The following PRRG1 variants were observed in gnomAD, a reference collection of about 807,000 sequenced individuals.
PRRG1 encodes proline rich and Gla domain 1.
In PRRG1, 5 loss-of-function variants were observed where a neutral mutation model predicts 11.8. That is an observed-to-expected ratio of 0.42 (90% CI 0.22 to 0.89). The LOEUF (loss-of-function observed/expected upper bound fraction) is 0.89. Ranked by LOEUF, PRRG1 falls within the 40% of genes least tolerant of loss-of-function variation. The probability of loss-of-function intolerance (pLI) is 0.28; values close to 1 mark genes in which losing one functional copy is unlikely to be tolerated. For synonymous variants in PRRG1, 66 were observed against 60.4 expected, an observed-to-expected ratio of 1.09 and a Z score of -0.43; for missense variants, 155 against 166.1, an observed-to-expected ratio of 0.93 and a Z score of 0.37.
rs376375189 is a variant in PRRG1, at chrX:37,363,814, C to T, written c.-42+14419C>T. 6.3e-5 allele frequency among the ~76,000 whole-genome samples: 7 copies of T among 111,645 alleles called. No individual in the cohort carries two copies. In the East Asian group the frequency reaches 1.7e-3, roughly 27 times the overall value. On this transcript the variant is annotated intron_variant, in intron 1 of 3. Transcript: ENST00000378628. Reference sequence around the variant, plus strand: ...AAAACTTCTTCCTTGACTTTTGCCTCTTCCCTGGATAATGCCATTAATTCC... The same window carrying T: ...AAAACTTCTTCCTTGACTTTTGCCTTTTCCCTGGATAATGCCATTAATTCC...
intron 1 of PRRG1, among the ~76,000 whole-genome samples, chrX:37,374,402 CT>C (rs1351045389): frequency 9.0e-6 from 1 of 111,656 alleles, no homozygotes; most frequent in Non-Finnish European, 1.9e-5. Context: ...ATTTATTCTG[CT>C]TTGAAATCAT....
chrX:37,367,100 G>A (rs1185020045), intron 1 of PRRG1, among the ~76,000 whole-genome samples: 2 of 111,600 alleles, frequency 1.8e-5, no homozygotes, highest in Non-Finnish European at 3.8e-5. Context: ...CCAAATGTTT[G>A]ACCATATAAG....
rs147705213 is a variant in PRRG1 at position 37,386,008 on chromosome X, G to A, written c.-41-20201G>A. Among the ~76,000 whole-genome samples the A allele has an allele frequency of 2.7e-3, 305 of 111,401 alleles. 3 individuals carry two copies. Among genetic ancestry groups the A allele is most frequent in the Non-Finnish European group, 7.3e-4 (39 of 53,069 alleles). ...ACTCCTGACCTCAGGTGATCCACCG[G>A]CCTTGGCCTCCCCAAAGTGCTGGGA... On this transcript the variant is annotated intron_variant, in intron 1 of 3. Transcript: ENST00000378628.
At chrX:37,423,956 A>G (rs1556387731) in intron 2 of PRRG1, among the ~76,000 whole-genome samples, 1 of 111,535 alleles carries the variant, frequency 9.0e-6, no homozygotes, top group East Asian at 2.8e-4. Context: ...ATAATTGCCT[A>G]TAGTATTCAG....
At chrX:37,444,232 C>T (rs1264736081) in intron 3 of PRRG1, among the ~76,000 whole-genome samples, 2 of 111,627 alleles carry the variant, frequency 1.8e-5, no homozygotes, top group African/African-American at 6.5e-5. Context: ...CTGACTTTGT[C>T]TCAGATCATA....
At chrX:37,403,613 A>C (rs1556381137) in intron 1 of PRRG1, 1 of 346,650 alleles carries the variant, frequency 2.9e-6, no homozygotes, top group Admixed American at 9.8e-5. Context: ...CATGTACCCT[A>C]AAACTTAAAG....
chrX:37,451,521 C>T (rs902073181), intron 3 of PRRG1, among the ~76,000 whole-genome samples: 3 of 112,200 alleles, frequency 2.7e-5, no homozygotes, highest in Non-Finnish European at 5.6e-5. Context: ...TTGACAATTT[C>T]AGCTTTTCGA....
chrX:37,393,058 GGAT>G (rs1646125963), intron 1 of PRRG1, among the ~76,000 whole-genome samples: 1 of 111,065 alleles, frequency 9.0e-6, no homozygotes, highest in Non-Finnish European at 1.9e-5. Flanking sequence ...CCAACTCTGA[GGAT>G]GATTGGACAA....
intron 2 of PRRG1, among the ~76,000 whole-genome samples, chrX:37,409,396 G>T (rs1377338758): frequency 1.8e-5 from 2 of 111,854 alleles, no homozygotes; most frequent in Non-Finnish European, 3.8e-5. Flanking sequence ...GTTCAAATAT[G>T]TGTTGTTCAA....
chrX:37,418,496 A>T (rs1435766505), intron 2 of PRRG1, among the ~76,000 whole-genome samples: 4 of 112,035 alleles, frequency 3.6e-5, no homozygotes, highest in African/African-American at 1.3e-4. Context: ...CTGGGAAAAA[A>T]TTTTCAATTT....
At chrX:37,353,977 C>T (rs185639955) in intron 1 of PRRG1, among the ~76,000 whole-genome samples, 4 of 112,471 alleles carry the variant, frequency 3.6e-5, no homozygotes, top group Admixed American at 9.4e-5. Context: ...TGTGAGCTCC[C>T]ATTATTTCAA....
At chrX:37,431,766 G>T (rs904909447) in intron 3 of PRRG1, among the ~76,000 whole-genome samples, 2 of 110,619 alleles carry the variant, frequency 1.8e-5, no homozygotes, top group Non-Finnish European at 3.8e-5. Context: ...ATGTTTTTTT[G>T]TTGTTGTTGT....
intron 1 of PRRG1, among the ~76,000 whole-genome samples, chrX:37,375,181 A>G (rs1415394906): frequency 3.6e-5 from 4 of 111,488 alleles, no homozygotes; most frequent in East Asian, 2.8e-4. Context: ...GAAGTGTTCT[A>G]TGGTCCTATG....
In PRRG1 at chrX:37,451,487, A is replaced by G. The variant is rs368074685; in HGVS notation, c.172-1649A>G. 3.6e-5 allele frequency among the ~76,000 whole-genome samples: 4 copies of G among 112,588 alleles called. No homozygotes were observed. The East Asian group carries it at 8.4e-4, about 24-fold the overall frequency. ...AGTTTTTACCTGTGAATATATATCCATATTAGTGAAGCCAATGAGTACTTT... is the reference window on the plus strand; with the variant it reads ...AGTTTTTACCTGTGAATATATATCCGTATTAGTGAAGCCAATGAGTACTTT... On this transcript the variant is annotated intron_variant, in intron 3 of 3. Transcript: ENST00000378628.
chrX:37,376,571 A>ATATATATATATG (rs1556372373), intron 1 of PRRG1, among the ~76,000 whole-genome samples: 1 of 82,807 alleles, frequency 1.2e-5, no homozygotes, highest in Non-Finnish European at 2.4e-5. Context: ...ATATATATAT[A>ATATATATATATG]TGTGCTGAGG....
intron 2 of PRRG1, among the ~76,000 whole-genome samples, chrX:37,419,722 A>T (rs782221788): frequency 2.0e-4 from 22 of 111,453 alleles, no homozygotes; most frequent in Non-Finnish European, 2.3e-4. Context: ...TGTACAGAAG[A>T]TCTTTGATAT....
chrX:37,442,802 T>C (rs1933010028), intron 3 of PRRG1, among the ~76,000 whole-genome samples: 1 of 111,186 alleles, frequency 9.0e-6, no homozygotes, highest in Non-Finnish European at 1.9e-5. Context: ...GAGCCTTAGG[T>C]TGGCTTCCCC....
chrX:37,399,056 T>C (rs1931843797), intron 1 of PRRG1, among the ~76,000 whole-genome samples: 1 of 112,211 alleles, frequency 8.9e-6, no homozygotes, highest in African/African-American at 3.2e-5. Context: ...GAAAACACTC[T>C]GCAGGGTATT....
intron 1 of PRRG1, among the ~76,000 whole-genome samples, chrX:37,352,022 A>G (rs1022852447): frequency 2.7e-5 from 3 of 112,421 alleles, no homozygotes; most frequent in African/African-American, 9.7e-5. Context: ...TGTCTTTGAC[A>G]TCTCTCTTAA....
Sources: allele counts gnomAD v4.1 joint callset (sites outside exome capture counted in the v4.1 genomes callset), GRCh38; gene constraint gnomAD v4.1.1; transcripts MANE v1.5; gene names NCBI Gene and HGNC (gene_info 2026-07-23, HGNC 2026-07-21).